The following NCAM2 variants were observed in gnomAD, a reference collection of about 807,000 sequenced individuals.
NCAM2 encodes N-CAM-2.
Under a neutral mutation model 98.1 loss-of-function variants are expected in NCAM2, and 30 were observed. That is an observed-to-expected ratio of 0.31 (90% CI 0.23 to 0.41). NCAM2 has a LOEUF of 0.41. NCAM2 is among the 10% of genes least tolerant of loss of function. NCAM2 has a pLI of 1.00. For synonymous variants in NCAM2, 368 were observed against 342.4 expected, an observed-to-expected ratio of 1.07 and a Z score of -0.83; for missense variants, 867 against 1,005.8, an observed-to-expected ratio of 0.86 and a Z score of 1.87.
intron 5 of NCAM2, among the ~76,000 whole-genome samples, chr21:21,302,222 A>G (rs968421589): frequency 3.3e-5 from 5 of 152,168 alleles, no homozygotes; most frequent in South Asian, 2.1e-4. Flanking sequence ...CAAATGTCCA[A>G]CAATGATAGA....
chr21:21,286,702 A>G (rs2073114591), intron 4 of NCAM2, among the ~76,000 whole-genome samples: 1 of 151,876 alleles, frequency 6.6e-6, no homozygotes, highest in African/African-American at 2.4e-5. Context: ...TAAAAAAAAT[A>G]TACAATCATT....
At chr21:21,051,206 C>T (rs1029323687) in intron 1 of NCAM2, among the ~76,000 whole-genome samples, 3 of 152,084 alleles carry the variant, frequency 2.0e-5, no homozygotes, top group African/African-American at 7.2e-5. Context: ...AATATAAAAA[C>T]CTGACCATCT....
chr21:21,124,663 C>T (rs960797688), intron 1 of NCAM2, among the ~76,000 whole-genome samples: 1 of 152,220 alleles, frequency 6.6e-6, no homozygotes, highest in Non-Finnish European at 1.5e-5. Flanking sequence ...CTGAGTCATG[C>T]CATAGAAAGT....
intron 1 of NCAM2, among the ~76,000 whole-genome samples, chr21:21,236,268 A>G (rs1377464025): frequency 6.6e-6 from 1 of 150,822 alleles, no homozygotes; most frequent in African/African-American, 2.4e-5. Context: ...AATTTCTGCT[A>G]ACTTATAGTT....
At chr21:21,522,200 T>A (rs1989058447) in intron 16 of NCAM2, among the ~76,000 whole-genome samples, 1 of 148,124 alleles carries the variant, frequency 6.8e-6, no homozygotes, top group Non-Finnish European at 1.5e-5. Flanking sequence ...GCTATATATA[T>A]GAATATGATT....
rs115907284 is a variant in NCAM2 at position 21,143,899 on chromosome 21, G to A, written c.56-136679G>A. Among the ~76,000 whole-genome samples, 389 of 145,510 alleles carry A rather than the reference G, an allele frequency of 2.7e-3. 3 individuals carry two copies. The highest frequency in any genetic ancestry group is 9.3e-3 in the African/African-American group (367 of 39,486). ...TTGCAATTCAGGGGAAATAAGAATT[G>A]TGATCATATTGGCATTGCTGTCAAT... On this transcript the variant is annotated intron_variant, in intron 1 of 17. Transcript: ENST00000400546.
rs546431933 is a variant in NCAM2, at chr21:21,534,757, AAAG to A, written c.2402+104_2402+106del. 1.6e-4 allele frequency: 175 copies of A among 1,118,752 alleles called. No homozygotes were observed. The African/African-American group carries it at 2.6e-3, about 17-fold the overall frequency. The allele number at this position is 1,118,752 out of a possible 1,614,324, so 69.3% of individuals were successfully genotyped here. A position where few individuals can be genotyped will look rare whatever the true frequency, so the allele number is the denominator to read the frequency against. On this transcript the variant is annotated intron_variant, in intron 17 of 17. Coordinates refer to ENST00000400546, the MANE Select transcript of NCAM2 (RefSeq NM_004540.5). ...CATATTTAAATATTAATTATTTGTA[AAAG>A]AATTGTGCTTTTACTTTTTTGATGA...
At chr21:21,332,154 C>G (rs116693640) in intron 6 of NCAM2, among the ~76,000 whole-genome samples, 1 of 151,580 alleles carries the variant, frequency 6.6e-6, no homozygotes. Flanking sequence ...CTGCCCTGCC[C>G]GCCTCGGCCT....
intron 1 of NCAM2, among the ~76,000 whole-genome samples, chr21:21,237,779 T>A (rs1461422808): frequency 1.3e-5 from 2 of 152,120 alleles, no homozygotes; most frequent in Admixed American, 6.6e-5. Flanking sequence ...TCACAAATTA[T>A]ATAGTATAGT....
chr21:21,200,771 T>TTTTC (rs2069188144), intron 1 of NCAM2, among the ~76,000 whole-genome samples: 1 of 126,928 alleles, frequency 7.9e-6, no homozygotes, highest in Non-Finnish European at 1.7e-5. Context: ...TTTTTTTTTT[T>TTTTC]GAAGTGTCAA....
chr21:21,245,524 C>G (rs59310801), intron 1 of NCAM2, among the ~76,000 whole-genome samples: 1 of 152,116 alleles, frequency 6.6e-6, no homozygotes, highest in Non-Finnish European at 1.5e-5. Flanking sequence ...AGTGGCCAGA[C>G]GTGTCCACTC....
intron 8 of NCAM2, among the ~76,000 whole-genome samples, chr21:21,354,309 A>G (rs1288061904): frequency 6.6e-6 from 1 of 152,176 alleles, no homozygotes; most frequent in Non-Finnish European, 1.5e-5. Flanking sequence ...ATCTTAAGGC[A>G]GCATTTCTCA....
chr21:21,195,599 T>A (rs540029132), intron 1 of NCAM2, among the ~76,000 whole-genome samples: 9 of 152,346 alleles, frequency 5.9e-5, no homozygotes, highest in African/African-American at 2.2e-4. Flanking sequence ...ACTAGGTTTT[T>A]ATATGATAAG....
chr21:21,390,820 C>CT (rs2145825951), intron 9 of NCAM2, among the ~76,000 whole-genome samples: 1 of 152,196 alleles, frequency 6.6e-6, no homozygotes, highest in South Asian at 2.1e-4. Flanking sequence ...TAAAATTGTG[C>CT]TTTTTTATGC....
chr21:21,173,763 C>A (rs762228949), intron 1 of NCAM2, among the ~76,000 whole-genome samples: 3 of 152,086 alleles, frequency 2.0e-5, no homozygotes, highest in African/African-American at 7.2e-5. Flanking sequence ...ATCCCAGATG[C>A]GCTGCAAACT....
At chr21:21,371,121 C>G (rs908451123) in intron 8 of NCAM2, among the ~76,000 whole-genome samples, 1 of 151,482 alleles carries the variant, frequency 6.6e-6, no homozygotes, top group Non-Finnish European at 1.5e-5. Context: ...AGGAGCAAAT[C>G]CAGAGGAAAG....
chr21:21,414,687 T>C (rs975327883), intron 10 of NCAM2, among the ~76,000 whole-genome samples: 1 of 152,122 alleles, frequency 6.6e-6, no homozygotes, highest in Admixed American at 6.6e-5. Flanking sequence ...ACCAGGATGG[T>C]CTCCATCTCC....
At chr21:21,309,110 A>G (rs550687667) in intron 5 of NCAM2, among the ~76,000 whole-genome samples, 126 of 152,314 alleles carry the variant, frequency 8.3e-4, no homozygotes, top group African/African-American at 3.0e-3. Context: ...ATGCCATCAT[A>G]ATAACTGATT....
intron 15 of NCAM2, among the ~76,000 whole-genome samples, 184 bp from the exon 16 acceptor site, chr21:21,508,667 A>C (rs1357542864): frequency 1.3e-5 from 2 of 151,950 alleles, no homozygotes; most frequent in African/African-American, 4.8e-5. Flanking sequence ...GAAACCAGGG[A>C]ATAGGCGTCA....
Sources: allele counts gnomAD v4.1 joint callset (sites outside exome capture counted in the v4.1 genomes callset), GRCh38; gene constraint gnomAD v4.1.1; transcripts MANE v1.5; gene names NCBI Gene and HGNC (gene_info 2026-07-23, HGNC 2026-07-21).